CIDEA: variants seen among roughly 807,000 people sequenced by gnomAD.
CIDEA encodes the protein cell death inducing DFFA like effector a.
Under a neutral mutation model 18.2 loss-of-function variants are expected in CIDEA, and 10 were observed. The ratio of observed to expected loss-of-function variants is 0.55; its 90% CI spans 0.34 to 0.93. The LOEUF (loss-of-function observed/expected upper bound fraction) is 0.93, where lower values mean the gene tolerates loss of function less well. Ranked by LOEUF, CIDEA falls within the 40% of genes least tolerant of loss-of-function variation. The pLI is 0.02. For synonymous variants in CIDEA, 128 were observed against 124.8 expected (o/e 1.03, Z -0.17); for missense variants, 309 against 293.1 (o/e 1.05, Z -0.40).
At chr18:12,259,209 C>T (rs1249503358) in intron 1 of CIDEA, among the ~76,000 whole-genome samples, 1 of 152,228 alleles carries the variant, frequency 6.6e-6, no homozygotes, top group Non-Finnish European at 1.5e-5. Flanking sequence ...GCACATTTCC[C>T]TCGGGCTTGC....
At chr18:12,272,160 GGTT>G (rs1912561514) in intron 3 of CIDEA, among the ~76,000 whole-genome samples, 2 of 14,294 alleles carry the variant, frequency 1.4e-4, no homozygotes, top group Non-Finnish European at 6.5e-4. Flanking sequence ...GGGGGGGGGG[GGTT>G]GGGGGGGGGT....
chr18:12,267,831 G>A (rs1420639290), intron 3 of CIDEA, among the ~76,000 whole-genome samples: 2 of 151,976 alleles, frequency 1.3e-5, no homozygotes, highest in Non-Finnish European at 2.9e-5. Flanking sequence ...GCCAATCAGA[G>A]GTTCTGAGCT....
chr18:12,255,073 C>T (rs1000679016), intron 1 of CIDEA: 14 of 503,954 alleles, frequency 2.8e-5, no homozygotes, highest in Non-Finnish European at 4.0e-5. Context: ...CCCTGCGCTT[C>T]GCACCCGCTC....
Position 12,277,438 on chromosome 18 carries a change from G to A in CIDEA, c.*168G>A, listed in dbSNP as rs1445238723. On this transcript the variant is annotated 3_prime_UTR_variant, in exon 5 of 5. Coordinates refer to ENST00000320477, the MANE Select transcript of CIDEA (RefSeq NM_001279.4). ...GAAAGGGCTTGGTGGTACATGAAGTGGGGGCAGTGGGCAGGGTGCCCTGGG... is the reference window on the plus strand; with the variant it reads ...GAAAGGGCTTGGTGGTACATGAAGTAGGGGCAGTGGGCAGGGTGCCCTGGG... 1.3e-6 allele frequency: 1 copy of A among 767,420 alleles called. No homozygotes were observed. 47.5% of individuals were successfully genotyped at this position (767,420 alleles called of 1,614,324 possible).
intron 1 of CIDEA, chr18:12,255,049 C>T: frequency 1.3e-6 from 1 of 763,230 alleles, no homozygotes; most frequent in African/African-American, 1.8e-5. Context: ...GGCGGGTGGA[C>T]CCTGAGGAGT....
intron 4 of CIDEA, among the ~76,000 whole-genome samples, chr18:12,275,852 T>C (rs2144090967): frequency 6.6e-6 from 1 of 152,216 alleles, no homozygotes; most frequent in South Asian, 2.1e-4. Flanking sequence ...CTTTTCCTTT[T>C]TGCCGGGTTA....
chr18:12,256,509 A>G (rs1363012781), intron 1 of CIDEA, among the ~76,000 whole-genome samples: 2 of 152,220 alleles, frequency 1.3e-5, no homozygotes, highest in African/African-American at 4.8e-5. Flanking sequence ...TCCAGACATC[A>G]AGGAGGTCCA....
rs541698137 is a variant in CIDEA, at chr18:12,254,414, C to A, written c.31C>A (p.Leu11Ile). The change falls in exon 1 of 5, where the codon CTC (leucine) becomes ATC (isoleucine). Residue 11 changes from leucine to isoleucine, a missense_variant. Coordinates refer to ENST00000320477, the MANE Select transcript of CIDEA (RefSeq NM_001279.4). MEAARDYAGA[L>I]IRPLTFMGSQ... Reference sequence around the variant, plus strand: ...GGCCGCCCGGGACTATGCAGGAGCCCTCATCAGGCGAGTGCCCCGCGTCCC... The same window carrying A: ...GGCCGCCCGGGACTATGCAGGAGCCATCATCAGGCGAGTGCCCCGCGTCCC... 1 of 1,587,612 alleles carries A rather than the reference C, an allele frequency of 6.3e-7. No homozygotes were observed. The highest frequency in any genetic ancestry group is 8.6e-7 in the Non-Finnish European group (1 of 1,169,468).
intron 1 of CIDEA, chr18:12,254,668 A>T: frequency 6.6e-7 from 1 of 1,524,798 alleles, no homozygotes; most frequent in South Asian, 1.2e-5. Flanking sequence ...GCAGCTGGGC[A>T]CAGGTACCAG....
intron 1 of CIDEA, among the ~76,000 whole-genome samples, chr18:12,258,145 T>G (rs1912090095): frequency 6.6e-6 from 1 of 152,144 alleles, no homozygotes; most frequent in African/African-American, 2.4e-5. Context: ...CAGCTCTTGG[T>G]TTGGAAATGC....
intron 2 of CIDEA, 77 bp from the exon 3 acceptor site, chr18:12,264,230 A>G (rs1912276718): frequency 7.4e-7 from 1 of 1,358,920 alleles, no homozygotes. Context: ...TGAAAACTGT[A>G]ACTTAATAAA....
intron 3 of CIDEA, among the ~76,000 whole-genome samples, 193 bp downstream of exon 3, chr18:12,264,646 C>T (rs549820180): frequency 1.3e-5 from 2 of 151,994 alleles, no homozygotes; most frequent in Non-Finnish European, 2.9e-5. Flanking sequence ...CTCCGCCTCC[C>T]GGGTTCACGC....
rs148772923 is a variant in CIDEA, at chr18:12,258,820, G to A, written c.39-4005G>A. ...CACACACGAGGGTTTGGCATCCAGC[G>A]GCACTTGGGCCTTTCTGTCACCCTC... On this transcript the variant is annotated intron_variant, in intron 1 of 4. Coordinates refer to ENST00000320477, the MANE Select transcript of CIDEA (RefSeq NM_001279.4). Among the ~76,000 whole-genome samples the A allele has an allele frequency of 3.7e-4, 56 of 152,346 alleles. No homozygotes were observed. The East Asian group carries it at 9.1e-3, about 25-fold the overall frequency.
chr18:12,260,696 G>A (rs34458525), intron 1 of CIDEA, among the ~76,000 whole-genome samples: 55,774 of 152,186 alleles, frequency 0.37, 12,197 homozygotes, highest in East Asian at 0.62. Flanking sequence ...GTGCCAAATC[G>A]CAGGTGACAG....
intron 1 of CIDEA, among the ~76,000 whole-genome samples, chr18:12,255,580 A>G (rs1382086066): frequency 6.6e-6 from 1 of 152,132 alleles, no homozygotes; most frequent in Non-Finnish European, 1.5e-5. Flanking sequence ...TTCTTCCAGA[A>G]CCATCCACAC....
chr18:12,272,728 CACCT>C (rs1423492429), intron 3 of CIDEA, among the ~76,000 whole-genome samples: 1 of 151,498 alleles, frequency 6.6e-6, no homozygotes, highest in African/African-American at 2.4e-5. Context: ...CCCGAGATTC[CACCT>C]CACAAAATTT....
chr18:12,274,656 C>T (rs376950090), intron 4 of CIDEA, among the ~76,000 whole-genome samples: 19 of 152,334 alleles, frequency 1.2e-4, no homozygotes, highest in South Asian at 6.2e-4. Flanking sequence ...GTGAATCACA[C>T]GCCTTTGCAT....
intron 3 of CIDEA, among the ~76,000 whole-genome samples, chr18:12,272,845 C>T (rs950575451): frequency 3.3e-5 from 5 of 151,782 alleles, no homozygotes; most frequent in Non-Finnish European, 7.4e-5. Context: ...AACCTCCTGC[C>T]CTGTTCAAGG....
chr18:12,254,942 G>A, intron 1 of CIDEA: 1 of 1,225,818 alleles, frequency 8.2e-7, no homozygotes, highest in Non-Finnish European at 1.0e-6. Context: ...CCAACCGTCC[G>A]GCGGAGCCCT....
Sources: gnomAD v4.1 joint callset for allele counts (sites outside exome capture counted in the v4.1 genomes callset) on GRCh38, gnomAD v4.1.1 for gene constraint, MANE v1.5 for transcripts, NCBI Gene and HGNC (gene_info 2026-07-23, HGNC 2026-07-21) for gene names.